Variants in EXOC6B observed in about 807,000 individuals in gnomAD.
EXOC6B encodes the protein exocyst complex component 6B.
EXOC6B carries 54 observed loss-of-function variants against 113.5 expected under a neutral mutation model. The ratio of observed to expected loss-of-function variants is 0.48; its 90% CI spans 0.38 to 0.60. The LOEUF (loss-of-function observed/expected upper bound fraction) is 0.60, where lower values mean the gene tolerates loss of function less well. Ranked by LOEUF, EXOC6B falls within the 20% of genes least tolerant of loss-of-function variation. The pLI is 0.00. For synonymous variants in EXOC6B, 357 were observed against 339.0 expected, an observed-to-expected ratio of 1.05 and a Z score of -0.58; for missense variants, 797 against 977.5, an observed-to-expected ratio of 0.82 and a Z score of 2.46.
At position 72,554,761 on chromosome 2, in the gene EXOC6B, AT is replaced by A. The variant is rs531522895; in HGVS notation, c.915+4691del. 2.9e-3 allele frequency among the ~76,000 whole-genome samples: 435 copies of A among 151,896 alleles called. 4 individuals carry two copies. Among genetic ancestry groups the A allele is most frequent in the Middle Eastern group, 0.027 (8 of 294 alleles). ...ACAACTTTCTTTGTTTTTATTTTTT[AT>A]TTTTTTATTATACTCTAAGTTCCAG... On this transcript the variant is annotated intron_variant, in intron 8 of 21. Transcript: ENST00000272427.
chr2:72,580,444 G>A (rs902844832), intron 6 of EXOC6B, among the ~76,000 whole-genome samples: 1 of 152,022 alleles, frequency 6.6e-6, no homozygotes, highest in African/African-American at 2.4e-5. Flanking sequence ...CACCCGGCCA[G>A]GAATCTTGTT....
intron 20 of EXOC6B, among the ~76,000 whole-genome samples, chr2:72,246,970 A>G (rs748603382): frequency 7.9e-5 from 12 of 152,084 alleles, no homozygotes; most frequent in Non-Finnish European, 1.6e-4. Flanking sequence ...TTTCCACAAT[A>G]TAGTTTCCCA....
In EXOC6B at chr2:72,215,931, T is replaced by C. The variant is rs563686010; in HGVS notation, c.2197-31744A>G. Reference sequence around the variant, plus strand: ...AGGAAAGAAAGGGCAGCAAACCCTATTGCCTTCAGGGCACAAGGGAAGACC... The same window carrying C: ...AGGAAAGAAAGGGCAGCAAACCCTACTGCCTTCAGGGCACAAGGGAAGACC... On this transcript the variant is annotated intron_variant, in intron 20 of 21. Transcript: ENST00000272427. 3.3e-5 allele frequency among the ~76,000 whole-genome samples: 5 copies of C among 152,140 alleles called. No homozygotes were observed. The South Asian group carries it at 8.3e-4, about 25-fold the overall frequency.
intron 19 of EXOC6B, among the ~76,000 whole-genome samples, chr2:72,368,028 G>A (rs1350947275): frequency 6.6e-6 from 1 of 152,244 alleles, no homozygotes; most frequent in South Asian, 2.1e-4. Flanking sequence ...AGAGCCAGAG[G>A]ATTAGGGTGG....
At chr2:72,203,026 C>A (rs1236759895) in intron 20 of EXOC6B, among the ~76,000 whole-genome samples, 1 of 152,208 alleles carries the variant, frequency 6.6e-6, no homozygotes, top group Non-Finnish European at 1.5e-5. Flanking sequence ...TTACTAACCT[C>A]TCTCTAAAAT....
chr2:72,768,135 AAAAG>A (rs1198273338), intron 1 of EXOC6B, among the ~76,000 whole-genome samples: 48 of 149,478 alleles, frequency 3.2e-4, no homozygotes, highest in East Asian at 5.8e-4. Context: ...AAAAAAAAAA[AAAAG>A]AAAGAAAGAA....
chr2:72,344,483 T>G (rs1490485457), intron 19 of EXOC6B, among the ~76,000 whole-genome samples: 1 of 152,120 alleles, frequency 6.6e-6, no homozygotes, highest in Non-Finnish European at 1.5e-5. Context: ...GGCAATACTT[T>G]CCTGTTTCTT....
At chr2:72,736,194 A>T (rs574988676) in intron 2 of EXOC6B, among the ~76,000 whole-genome samples, 5,476 of 142,882 alleles carry the variant, frequency 0.038, 299 homozygotes, top group African/African-American at 0.13. Context: ...TCAAAAAATT[A>T]AAAAAAAAAA....
chr2:72,660,940 C>T (rs1421493500), intron 6 of EXOC6B, among the ~76,000 whole-genome samples: 1 of 151,750 alleles, frequency 6.6e-6, no homozygotes, highest in Non-Finnish European at 1.5e-5. Context: ...AGAAAAGGAA[C>T]ACCTAATGCA....
At chr2:72,432,122 C>T (rs913317603) in intron 18 of EXOC6B, among the ~76,000 whole-genome samples, 2 of 151,946 alleles carry the variant, frequency 1.3e-5, no homozygotes, top group Admixed American at 6.6e-5. Flanking sequence ...CTGCAACCTC[C>T]GTCTCCCAGG....
intron 20 of EXOC6B, among the ~76,000 whole-genome samples, chr2:72,268,634 T>TAGGG (rs1411272863): frequency 6.6e-6 from 1 of 152,030 alleles, no homozygotes; most frequent in Non-Finnish European, 1.5e-5. Context: ...ATGTAGGAGG[T>TAGGG]AGGGACTGGT....
rs181717286 is a variant in EXOC6B, at chr2:72,780,555, T to G, written c.114-39086A>C. 8.5e-5 allele frequency among the ~76,000 whole-genome samples: 13 copies of G among 152,336 alleles called. No homozygotes were observed. In the East Asian group the frequency reaches 1.9e-3, roughly 23 times the overall value. ...ATCTTGAAGAGTTGCTATGTACTCT[T>G]AGCTGCATTCATGTAACTTGGCAAG... On this transcript the variant is annotated intron_variant, in intron 1 of 21. Transcript: ENST00000272427.
At chr2:72,570,518 G>A (rs1704451263) in intron 7 of EXOC6B, among the ~76,000 whole-genome samples, 1 of 152,114 alleles carries the variant, frequency 6.6e-6, no homozygotes, top group Non-Finnish European at 1.5e-5. Context: ...CCAAAATCTA[G>A]AGAGATAAAT....
Position 72,401,520 on chromosome 2 carries a change from TATAC to T in EXOC6B, c.1981-21654_1981-21651del, listed in dbSNP as rs1344778578. On this transcript the variant is annotated intron_variant, in intron 18 of 21. Transcript: ENST00000272427. ...ATATATATATATATATATATACATA[TATAC>T]ATATATATATATATATATATGTGTA... Among the ~76,000 whole-genome samples the T allele has an allele frequency of 1.1e-3, 19 of 16,688 alleles. 1 individual carries two copies. Among genetic ancestry groups the T allele is most frequent in the African/African-American group, 0.011 (11 of 978 alleles). 10.9% of individuals were successfully genotyped at this position (16,688 alleles called of 152,430 possible). A position where few individuals can be genotyped will look rare whatever the true frequency, so the allele number is the denominator to read the frequency against.
intron 6 of EXOC6B, among the ~76,000 whole-genome samples, chr2:72,641,617 C>A (rs1283427580): frequency 6.6e-6 from 1 of 152,246 alleles, no homozygotes; most frequent in Admixed American, 6.5e-5. Context: ...TGTGTATAGA[C>A]CCCACCTCTG....
intron 18 of EXOC6B, among the ~76,000 whole-genome samples, chr2:72,430,877 A>G (rs1695480324): frequency 1.3e-5 from 2 of 152,224 alleles, no homozygotes; most frequent in Admixed American, 6.5e-5. Context: ...GCCAATGAGA[A>G]ACATAACATA....
chr2:72,376,194 C>T (rs1691347930), intron 19 of EXOC6B, among the ~76,000 whole-genome samples: 1 of 152,172 alleles, frequency 6.6e-6, no homozygotes. Context: ...TTGACATATA[C>T]TATCATTTCC....
In EXOC6B at chr2:72,496,593, G is replaced by A; in HGVS notation, c.1338-34C>T. Reference sequence around the variant, plus strand: ...GGAAGGATAGACAAAGGGAAGGGAAGGATAGACAAAGTGGGGGGGTAGGGG... The same window carrying A: ...GGAAGGATAGACAAAGGGAAGGGAAAGATAGACAAAGTGGGGGGGTAGGGG... On this transcript the variant is annotated intron_variant, in intron 13 of 21. Transcript: ENST00000272427. 2.9e-6 allele frequency: 4 copies of A among 1,393,146 alleles called. No individual in the cohort carries two copies. In the South Asian group the frequency reaches 4.9e-5, roughly 17 times the overall value. The allele number at this position is 1,393,146 out of a possible 1,614,324, so 86.3% of individuals were successfully genotyped here. A position where few individuals can be genotyped will look rare whatever the true frequency, so the allele number is the denominator to read the frequency against.
intron 6 of EXOC6B, among the ~76,000 whole-genome samples, chr2:72,634,022 G>A (rs1672661218): frequency 6.6e-6 from 1 of 151,762 alleles, no homozygotes; most frequent in Admixed American, 6.6e-5. Context: ...AAATAAAAAC[G>A]ATCCAGATGG....
Sources: allele counts gnomAD v4.1 joint callset (sites outside exome capture counted in the v4.1 genomes callset), GRCh38; gene constraint gnomAD v4.1.1; transcripts MANE v1.5; gene names NCBI Gene and HGNC (gene_info 2026-07-23, HGNC 2026-07-21).